CCL28: variants seen among roughly 807,000 people sequenced by gnomAD.
CCL28 encodes the protein C-C motif chemokine 28.
In CCL28, 4 loss-of-function variants were observed where a neutral mutation model predicts 7.1. The observed-to-expected ratio is 0.56, with a 90% confidence interval of 0.28 to 1.29. CCL28 has a LOEUF of 1.29. Among genes scored for constraint, CCL28 ranks in the 50% most tolerant of loss-of-function variants. The pLI is 0.11. For synonymous variants in CCL28, 55 were observed against 57.8 expected, an observed-to-expected ratio of 0.95 and a Z score of 0.22; for missense variants, 151 against 163.4, an observed-to-expected ratio of 0.92 and a Z score of 0.41.
chr5:43,370,729 T>G, the CCL28 span, among the ~76,000 whole-genome samples: 39 of 103,484 alleles, frequency 3.8e-4, no homozygotes, highest in African/African-American at 1.6e-3. Flanking sequence ...TCTTCCTTTA[T>G]CTCTCTTTCT....
At chr5:43,384,967 G>A (rs1163644237) in intron 2 of CCL28, among the ~76,000 whole-genome samples, 2 of 151,688 alleles carry the variant, frequency 1.3e-5, no homozygotes, top group African/African-American at 2.4e-5. Flanking sequence ...CGCGACCTTG[G>A]CTCACTGCAG....
At chr5:43,402,828 C>T (rs944058712) in intron 1 of CCL28, among the ~76,000 whole-genome samples, 1 of 152,186 alleles carries the variant, frequency 6.6e-6, no homozygotes, top group African/African-American at 2.4e-5. Context: ...TGCGCTTTTC[C>T]AATGGTCTTA....
At chr5:43,387,652 C>T (rs143987873) in intron 2 of CCL28, among the ~76,000 whole-genome samples, 20 of 152,196 alleles carry the variant, frequency 1.3e-4, no homozygotes, top group African/African-American at 3.1e-4. Flanking sequence ...TTTTTTGAGA[C>T]GGGATTTAAC....
intron 1 of CCL28, among the ~76,000 whole-genome samples, chr5:43,408,276 T>C (rs999586125): frequency 2.0e-5 from 3 of 152,196 alleles, no homozygotes; most frequent in Admixed American, 1.3e-4. Context: ...TAAGAAAATG[T>C]GGCACATATA....
At chr5:43,358,607 T>G in the CCL28 span, among the ~76,000 whole-genome samples, 68,579 of 152,064 alleles carry the variant, frequency 0.45, 16,211 homozygotes, top group Middle Eastern at 0.61. Flanking sequence ...ACCATTGGTC[T>G]TCAATAAATT....
chr5:43,363,867 A>T, the CCL28 span, among the ~76,000 whole-genome samples: 1 of 152,202 alleles, frequency 6.6e-6, no homozygotes, highest in Non-Finnish European at 1.5e-5. Flanking sequence ...GGATCATCTT[A>T]TGGCAACCTT....
At chr5:43,365,527 T>C in the CCL28 span, among the ~76,000 whole-genome samples, 2 of 152,168 alleles carry the variant, frequency 1.3e-5, no homozygotes. Context: ...CTCCCCCCCA[T>C]ATTTAATGCT....
At chr5:43,404,477 C>G (rs1185735180) in intron 1 of CCL28, among the ~76,000 whole-genome samples, 1 of 152,142 alleles carries the variant, frequency 6.6e-6, no homozygotes, top group Non-Finnish European at 1.5e-5. Flanking sequence ...TTGTCACCAC[C>G]AGGCCTGTCT....
the CCL28 span, among the ~76,000 whole-genome samples, chr5:43,367,335 G>T: frequency 6.6e-6 from 1 of 152,196 alleles, no homozygotes. Flanking sequence ...GCCCAGTTTT[G>T]TGCTTGAAAC....
chr5:43,391,746 G>A (rs191097614), intron 1 of CCL28, among the ~76,000 whole-genome samples: 316 of 152,294 alleles, frequency 2.1e-3, no homozygotes, highest in African/African-American at 6.8e-3. Context: ...AGGCACTAGT[G>A]TAACTGCCAT....
rs1740056824 is a variant in CCL28 at position 43,380,272 on chromosome 5, GGGGAGGCAAAAGGTTCTGGGCAGAAA to G, written c.*1562_*1587del. The G allele has an allele frequency of 6.6e-6, 1 of 152,136 alleles. No homozygotes were observed. Among genetic ancestry groups the G allele is most frequent in the Non-Finnish European group, 1.5e-5 (1 of 68,050 alleles). The allele number at this position is 152,136 out of a possible 1,614,324, so 9.4% of individuals were successfully genotyped here. A position where few individuals can be genotyped will look rare whatever the true frequency, so the allele number is the denominator to read the frequency against. On this transcript the variant is annotated 3_prime_UTR_variant, in exon 3 of 3. Coordinates refer to ENST00000361115, the MANE Select transcript of CCL28 (RefSeq NM_148672.3). ...CTAGTGCTGCTCCAAGAACTGACTGGGGGAGGCAAAAGGTTCTGGGCAGAAAGGCAGGCTTTTTGTTCTTTTCAGTA... is the reference window on the plus strand; with the variant it reads ...CTAGTGCTGCTCCAAGAACTGACTGGGGCAGGCTTTTTGTTCTTTTCAGTA...
intron 1 of CCL28, among the ~76,000 whole-genome samples, chr5:43,393,442 C>A (rs952197228): frequency 6.6e-6 from 1 of 152,004 alleles, no homozygotes; most frequent in Non-Finnish European, 1.5e-5. Context: ...GCAACCTCCA[C>A]CTCCTGGGTT....
chr5:43,407,954 C>G (rs1201693872), intron 1 of CCL28, among the ~76,000 whole-genome samples: 1 of 152,178 alleles, frequency 6.6e-6, no homozygotes, highest in Non-Finnish European at 1.5e-5. Flanking sequence ...CATCTCACAC[C>G]AGTTAGAATG....
intron 1 of CCL28, among the ~76,000 whole-genome samples, chr5:43,411,587 G>GGAGTGCAGTGGCAATTCA (rs1253885160): frequency 3.3e-5 from 5 of 151,752 alleles, no homozygotes; most frequent in Non-Finnish European, 7.4e-5. Context: ...TGCCCAAGCT[G>GGAGTGCAGTGGCAATTCA]GAGTGCAGTG....
chr5:43,387,180 G>A (rs887445307), intron 2 of CCL28, among the ~76,000 whole-genome samples: 11 of 152,248 alleles, frequency 7.2e-5, no homozygotes, highest in African/African-American at 2.6e-4. Context: ...GGTATTTTAT[G>A]GTTAGTCCCA....
chr5:43,402,785 A>G (rs1741094071), intron 1 of CCL28, among the ~76,000 whole-genome samples: 1 of 152,174 alleles, frequency 6.6e-6, no homozygotes, highest in Admixed American at 6.5e-5. Context: ...GACAGACAGT[A>G]CCTGGAAAAT....
At chr5:43,361,190 A>G in the CCL28 span, among the ~76,000 whole-genome samples, 2 of 152,208 alleles carry the variant, frequency 1.3e-5, no homozygotes, top group Admixed American at 1.3e-4. Context: ...CATGGTGTAT[A>G]TGTACCACAT....
chr5:43,384,329 G>A (rs765682898), intron 2 of CCL28, among the ~76,000 whole-genome samples: 5 of 152,116 alleles, frequency 3.3e-5, no homozygotes, highest in Admixed American at 6.6e-5. Flanking sequence ...AAGACTTGCT[G>A]GTGAGGCAAC....
At chr5:43,391,021 T>C (rs1740549124) in intron 1 of CCL28, among the ~76,000 whole-genome samples, 1 of 152,174 alleles carries the variant, frequency 6.6e-6, no homozygotes, top group African/African-American at 2.4e-5. Context: ...TTTGCTCCAT[T>C]AAAAATAATG....
Sources: allele counts gnomAD v4.1 joint callset (sites outside exome capture counted in the v4.1 genomes callset), GRCh38; gene constraint gnomAD v4.1.1; transcripts MANE v1.5; gene names NCBI Gene and HGNC (gene_info 2026-07-23, HGNC 2026-07-21).